The following ANKIB1 variants were observed in gnomAD, a reference collection of about 807,000 sequenced individuals.
ANKIB1 encodes the protein ankyrin repeat and IBR domain-containing protein 1.
ANKIB1 carries 43 observed loss-of-function variants against 122.1 expected under a neutral mutation model. That is an observed-to-expected ratio of 0.35 (90% CI 0.28 to 0.45). The LOEUF (loss-of-function observed/expected upper bound fraction) is 0.45, where lower values mean the gene tolerates loss of function less well. Among genes scored for constraint, ANKIB1 ranks in the 20% least tolerant of loss-of-function variants. The pLI is 1.00. For synonymous variants in ANKIB1, 390 were observed against 442.0 expected (o/e 0.88, Z 1.48); for missense variants, 992 against 1,329.5 (o/e 0.75, Z 3.95).
At chr7:92,338,255 TAA>T (rs538242807) in intron 5 of ANKIB1, among the ~76,000 whole-genome samples, 1 of 137,396 alleles carries the variant, frequency 7.3e-6, no homozygotes, top group Non-Finnish European at 1.6e-5. Context: ...ACAAAAAAAT[TAA>T]AAAAAAAAAA....
In ANKIB1 at chr7:92,307,560, G is replaced by A; in HGVS notation, c.390G>A (p.Gln130=). The part of the protein sequence containing the change: ...ILKWKGAKLD[Q]GEYERAAIDA... ...AATGGAAAGGAGCAAAACTTGACCA[G>A]GGTGAATATGAGAGAGCAGCTATTG... The change falls in exon 3 of 20, where the codon CAG becomes CAA. Residue 130 remains glutamine (Q), a synonymous_variant. Coordinates refer to ENST00000265742, the MANE Select transcript of ANKIB1 (RefSeq NM_019004.2). 6.2e-7 allele frequency: 1 copy of A among 1,613,696 alleles called. No individual in the cohort carries two copies. Among genetic ancestry groups the A allele is most frequent in the Non-Finnish European group, 8.5e-7 (1 of 1,179,864 alleles).
At chr7:92,318,293 A>G (rs1585104686) in intron 3 of ANKIB1, among the ~76,000 whole-genome samples, 1 of 152,172 alleles carries the variant, frequency 6.6e-6, no homozygotes, top group African/African-American at 2.4e-5. Context: ...AGGCGGGTGG[A>G]TCACCTGAAG....
chr7:92,371,187 TA>T (rs1397497873), intron 10 of ANKIB1, among the ~76,000 whole-genome samples: 80 of 146,030 alleles, frequency 5.5e-4, no homozygotes, highest in Admixed American at 1.2e-3. Context: ...TTTTTTTTTT[TA>T]AATTTTTTTG....
intron 5 of ANKIB1, among the ~76,000 whole-genome samples, chr7:92,339,565 A>G (rs1211685206): frequency 1.3e-5 from 2 of 152,142 alleles, no homozygotes. Context: ...TGTTCGTTCA[A>G]CAGATTTCTA....
chr7:92,384,339 C>T (rs1434468136), intron 11 of ANKIB1, among the ~76,000 whole-genome samples: 1 of 152,084 alleles, frequency 6.6e-6, no homozygotes, highest in East Asian at 1.9e-4. Context: ...CAGTGCCATC[C>T]CCATCAAGCT....
At chr7:92,364,213 T>C (rs1804017919) in intron 10 of ANKIB1, among the ~76,000 whole-genome samples, 1 of 144,104 alleles carries the variant, frequency 6.9e-6, no homozygotes, top group Non-Finnish European at 1.5e-5. Flanking sequence ...CTCAGGAGGC[T>C]AAGGCAGGAG....
chr7:92,318,729 A>G (rs1802842981), intron 3 of ANKIB1, among the ~76,000 whole-genome samples: 1 of 152,220 alleles, frequency 6.6e-6, no homozygotes, highest in Admixed American at 6.5e-5. Flanking sequence ...TAAAGGTGGG[A>G]TTTCTTTGGG....
At chr7:92,291,402 G>A (rs1372680029) in intron 1 of ANKIB1, among the ~76,000 whole-genome samples, 1 of 151,934 alleles carries the variant, frequency 6.6e-6, no homozygotes, top group African/African-American at 2.4e-5. Context: ...TTGCATGCCT[G>A]TTTCAAAATA....
chr7:92,381,523 T>C (rs1045923985), intron 11 of ANKIB1, among the ~76,000 whole-genome samples: 3 of 152,130 alleles, frequency 2.0e-5, no homozygotes, highest in Admixed American at 6.5e-5. Context: ...GGAAAGCCCA[T>C]CAGACTAACA....
At chr7:92,309,940 A>ATATACATATATATATATATATATATATAT (rs57536267) in intron 3 of ANKIB1, among the ~76,000 whole-genome samples, 6 of 105,304 alleles carry the variant, frequency 5.7e-5, no homozygotes, top group African/African-American at 2.3e-4. Flanking sequence ...AAAAAAAAAA[A>ATATACATATATATATATATATATATATAT]AAATATATAT....
chr7:92,275,546 G>C (rs970621680), intron 1 of ANKIB1, among the ~76,000 whole-genome samples: 1 of 152,016 alleles, frequency 6.6e-6, no homozygotes, highest in Non-Finnish European at 1.5e-5. Flanking sequence ...TGTGAGGGAC[G>C]GTCCTACACA....
chr7:92,368,188 A>G (rs1275585437), intron 10 of ANKIB1, among the ~76,000 whole-genome samples: 1 of 151,990 alleles, frequency 6.6e-6, no homozygotes, highest in Non-Finnish European at 1.5e-5. Flanking sequence ...TTCAGTTTTT[A>G]AAAGCAACTG....
intron 16 of ANKIB1, 76 bp downstream of exon 16, chr7:92,391,420 A>G (rs2115710337): frequency 1.6e-6 from 2 of 1,286,012 alleles, no homozygotes; most frequent in East Asian, 2.7e-5. Flanking sequence ...TTATCCAACT[A>G]GGGTTCATAT....
At chr7:92,271,620 G>A (rs1228547772) in intron 1 of ANKIB1, among the ~76,000 whole-genome samples, 2 of 152,076 alleles carry the variant, frequency 1.3e-5, no homozygotes, top group African/African-American at 2.4e-5. Flanking sequence ...TAGATGAGAC[G>A]CTAAGTCCAA....
intron 7 of ANKIB1, among the ~76,000 whole-genome samples, chr7:92,349,373 T>G (rs552144551): frequency 1.3e-5 from 2 of 152,202 alleles, no homozygotes; most frequent in East Asian, 3.9e-4. Context: ...GACGAGGATA[T>G]GAAAGAGAAG....
Position 92,398,784 on chromosome 7 carries a change from C to T in ANKIB1, c.3105C>T (p.Thr1035=). Residue 1035 remains threonine (T), a synonymous_variant, in exon 20 of 20, where the codon ACC becomes ACT. Transcript: ENST00000265742. ...EDASVSEGRG[T]QIEENPLEEN... is the part of the protein sequence containing the mutation. ...CCAGTGTCAGTGAAGGTAGAGGAAC[C>T]CAGATAGAAGAAAATCCTTTGGAAG... is the stretch of plus-strand genomic sequence containing the variant. 2 of 1,611,946 alleles carry T rather than the reference C, an allele frequency of 1.2e-6. No homozygotes were observed. The highest frequency in any genetic ancestry group is 8.5e-7 in the Non-Finnish European group (1 of 1,179,000).
chr7:92,319,289 T>G, intron 3 of ANKIB1, 41 bp from the exon 4 acceptor site: 1 of 1,284,394 alleles, frequency 7.8e-7, no homozygotes, highest in Non-Finnish European at 1.1e-6. Context: ...ATAACTTATT[T>G]GAACCTGTAG....
intron 17 of ANKIB1, among the ~76,000 whole-genome samples, chr7:92,393,839 T>C (rs1186164620): frequency 6.6e-6 from 1 of 152,182 alleles, no homozygotes; most frequent in African/African-American, 2.4e-5. Flanking sequence ...AAATTCTGCA[T>C]GTGTATGACT....
At chr7:92,368,206 G>A (rs563837901) in intron 10 of ANKIB1, among the ~76,000 whole-genome samples, 6 of 151,818 alleles carry the variant, frequency 4.0e-5, no homozygotes, top group Non-Finnish European at 8.8e-5. Context: ...CTGTTCACAT[G>A]CATACATGTT....
Sources: gnomAD v4.1 joint callset for allele counts (sites outside exome capture counted in the v4.1 genomes callset) on GRCh38, gnomAD v4.1.1 for gene constraint, MANE v1.5 for transcripts, NCBI Gene and HGNC (gene_info 2026-07-23, HGNC 2026-07-21) for gene names.